Variants in INAFM2 observed in about 807,000 individuals in gnomAD.
INAFM2 encodes the protein putative transmembrane protein INAFM2.
A neutral mutation model predicts 5.6 loss-of-function variants in INAFM2; 3 were observed. The observed-to-expected ratio is 0.54, with a 90% CI of 0.24 to 1.39. INAFM2 has a LOEUF of 1.39. Among genes scored for constraint, INAFM2 ranks in the 40% most tolerant of loss-of-function variants. The pLI is 0.16. For synonymous variants in INAFM2, 113 were observed against 109.1 expected, an observed-to-expected ratio of 1.04 and a Z score of -0.22; for missense variants, 186 against 217.5, an observed-to-expected ratio of 0.86 and a Z score of 0.91.
chr15:40,324,311 T>A lies in INAFM2; in HGVS notation c.256T>A (p.Ser86Thr). The A allele has an allele frequency of 8.2e-7, 1 of 1,226,112 alleles. No homozygotes were observed. The highest frequency in any genetic ancestry group is 1.0e-6 in the Non-Finnish European group (1 of 985,084). 76.0% of individuals were successfully genotyped at this position (1,226,112 alleles called of 1,614,324 possible). ...CGGCGGCTCCAACGCCACTGGCCCG[T>A]CTGGGACTTCGGGGGCGGCGGCGGC... is the stretch of plus-strand genomic sequence containing the variant. ...PPGGSNATGP[S>T]GTSGAAAAGP... The change falls in exon 1 of 1, where the codon TCT becomes ACT. Residue 86 changes from serine to threonine, a missense_variant. Ser to Thr is a moderately conservative substitution (Grantham distance 58). Transcript: ENST00000638170.
At position 40,325,672 on chromosome 15, in the gene INAFM2, TCTACAGAATCAGAAAGG is replaced by T. The variant is rs1888779127; in HGVS notation, c.*1158_*1174del. The T allele has an allele frequency of 6.6e-6, 1 of 152,202 alleles. No homozygotes were observed. The highest frequency in any genetic ancestry group is 1.5e-5 in the Non-Finnish European group (1 of 68,024). The allele number at this position is 152,202 out of a possible 1,614,324, so 9.4% of individuals were successfully genotyped here. A position where few individuals can be genotyped will look rare whatever the true frequency, so the allele number is the denominator to read the frequency against. On this transcript the variant is annotated 3_prime_UTR_variant, in exon 1 of 1. Coordinates refer to ENST00000638170, the MANE Select transcript of INAFM2 (RefSeq NM_001301268.2). Reference sequence around the variant, plus strand: ...TACACATCCTCTGGTTTTGAGTTATTCTACAGAATCAGAAAGGCTGGAAGGTGGGCTTCACACTCAGG... The same window carrying T: ...TACACATCCTCTGGTTTTGAGTTATTCTGGAAGGTGGGCTTCACACTCAGG...
rs1354770779 is a variant in INAFM2, at chr15:40,324,551, C to T, written c.*34C>T. On this transcript the variant is annotated 3_prime_UTR_variant, in exon 1 of 1. Transcript: ENST00000638170. Reference sequence around the variant, plus strand: ...GCGCTGGGGGCCGCCGGGAACCATTCTCCCCAAGCCCAGAGGCAGGACTTC... The same window carrying T: ...GCGCTGGGGGCCGCCGGGAACCATTTTCCCCAAGCCCAGAGGCAGGACTTC... The T allele has an allele frequency of 1.7e-6, 2 of 1,211,506 alleles. No homozygotes were observed. The highest frequency in any genetic ancestry group is 1.0e-6 in the Non-Finnish European group (1 of 971,920). The allele number at this position is 1,211,506 out of a possible 1,614,324, so 75.0% of individuals were successfully genotyped here. A position where few individuals can be genotyped will look rare whatever the true frequency, so the allele number is the denominator to read the frequency against.
Position 40,324,414 on chromosome 15 carries a change from C to T in INAFM2, c.359C>T (p.Pro120Leu). ...VPPLQAARPAPPEPPADSPPA... is the reference protein window; with the variant it reads ...VPPLQAARPALPEPPADSPPA... ...CCACTGCAGGCGGCGCGACCGGCGC[C>T]TCCGGAGCCCCCTGCGGACAGCCCC... is the stretch of plus-strand genomic sequence containing the variant. Residue 120 changes from proline (P) to leucine (L), a missense_variant, in exon 1 of 1, where the codon CCT becomes CTT. Around this residue, in one of 2 missense-constraint regions of INAFM2, gnomAD observed 148 missense variants for 140.2 expected, o/e 1.06. Coordinates refer to ENST00000638170, the MANE Select transcript of INAFM2 (RefSeq NM_001301268.2). 2 of 1,224,002 alleles carry T rather than the reference C, an allele frequency of 1.6e-6. No individual in the cohort carries two copies. The highest frequency in any genetic ancestry group is 2.0e-6 in the Non-Finnish European group (2 of 982,918). The allele number at this position is 1,224,002 out of a possible 1,614,324, so 75.8% of individuals were successfully genotyped here.
Position 40,324,789 on chromosome 15 carries a change from G to C in INAFM2, c.*272G>C, listed in dbSNP as rs1402862298. 6.4e-6 allele frequency: 2 copies of C among 311,276 alleles called. No homozygotes were observed. Among genetic ancestry groups the C allele is most frequent in the East Asian group, 1.0e-4 (2 of 19,650 alleles). The allele number at this position is 311,276 out of a possible 1,614,324, so 19.3% of individuals were successfully genotyped here. ...GTAGGGGGATGGGGGGAGGGGTGGG[G>C]AGATCCCGGCACCAAACCCTTCTGC... On this transcript the variant is annotated 3_prime_UTR_variant, in exon 1 of 1. Transcript: ENST00000638170.
chr15:40,325,006 C>T lies in INAFM2; in HGVS notation c.*489C>T, dbSNP rs960926644. The T allele has an allele frequency of 6.5e-6, 1 of 152,706 alleles. No homozygotes were observed. The highest frequency in any genetic ancestry group is 2.1e-4 in the South Asian group (1 of 4,836). 9.5% of individuals were successfully genotyped at this position (152,706 alleles called of 1,614,324 possible). On this transcript the variant is annotated 3_prime_UTR_variant, in exon 1 of 1. Transcript: ENST00000638170. ...CCAGAGATGCATTAAATTTCTAGAT[C>T]CCTGTATATAGTTGTTGACATATGC...
rs1436765759 is a variant in INAFM2, at chr15:40,326,698, C to T, written c.*2181C>T. On this transcript the variant is annotated 3_prime_UTR_variant, in exon 1 of 1. Transcript: ENST00000638170. ...ATTTTTCAGGTGAACAAAAATACAT[C>T]CTAAGAACTCTGCCTAAGCCTGTGT... 6.6e-6 allele frequency: 1 copy of T among 152,194 alleles called. No individual in the cohort carries two copies. The highest frequency in any genetic ancestry group is 1.5e-5 in the Non-Finnish European group (1 of 68,036). The allele number at this position is 152,194 out of a possible 1,614,324, so 9.4% of individuals were successfully genotyped here.
At position 40,325,652 on chromosome 15, in the gene INAFM2, A is replaced by G. The variant is rs1888778881; in HGVS notation, c.*1135A>G. On this transcript the variant is annotated 3_prime_UTR_variant, in exon 1 of 1. Coordinates refer to ENST00000638170, the MANE Select transcript of INAFM2 (RefSeq NM_001301268.2). ...TGTAACACCAGAGCTTTGATTACAC[A>G]TCCTCTGGTTTTGAGTTATTCTACA... 6.6e-6 allele frequency: 1 copy of G among 152,178 alleles called. No individual in the cohort carries two copies. The highest frequency in any genetic ancestry group is 2.4e-5 in the African/African-American group (1 of 41,436). 9.4% of individuals were successfully genotyped at this position (152,178 alleles called of 1,614,324 possible).
At position 40,323,990 on chromosome 15, in the gene INAFM2, T is replaced by A; in HGVS notation, c.-66T>A. 9.7e-7 allele frequency: 1 copy of A among 1,035,024 alleles called. No individual in the cohort carries two copies. The highest frequency in any genetic ancestry group is 1.2e-6 in the Non-Finnish European group (1 of 814,244). The allele number at this position is 1,035,024 out of a possible 1,614,324, so 64.1% of individuals were successfully genotyped here. On this transcript the variant is annotated 5_prime_UTR_variant, in exon 1 of 1. In the 5' UTR this introduces an upstream ATG that the reference lacks. Transcript: ENST00000638170. The surrounding 1 kb of genome is among the most constrained non-coding windows in gnomAD (Gnocchi z 5.6). ...CGCCGGGCCGCCCCCTGCCCAGTCCTTGCAGGCCGCCAGGCCCCCTCCAGC... is the reference window on the plus strand; with the variant it reads ...CGCCGGGCCGCCCCCTGCCCAGTCCATGCAGGCCGCCAGGCCCCCTCCAGC...
rs901642209 is a variant in INAFM2 at position 40,326,369 on chromosome 15, T to A, written c.*1852T>A. The A allele has an allele frequency of 3.9e-5, 6 of 152,282 alleles. No homozygotes were observed. Among genetic ancestry groups the A allele is most frequent in the African/African-American group, 1.4e-4 (6 of 41,474 alleles). The allele number at this position is 152,282 out of a possible 1,614,324, so 9.4% of individuals were successfully genotyped here. ...AATTTTTAGTCCTATATTTTAATAATTTGTAAATTGATCTCTTATTCCAAG... is the reference window on the plus strand; with the variant it reads ...AATTTTTAGTCCTATATTTTAATAAATTGTAAATTGATCTCTTATTCCAAG... On this transcript the variant is annotated 3_prime_UTR_variant, in exon 1 of 1. Coordinates refer to ENST00000638170, the MANE Select transcript of INAFM2 (RefSeq NM_001301268.2).
Position 40,324,006 on chromosome 15 carries a change from C to T in INAFM2, c.-50C>T, listed in dbSNP as rs1015702907. 6.0e-5 allele frequency: 69 copies of T among 1,145,798 alleles called. No homozygotes were observed. The highest frequency in any genetic ancestry group is 8.0e-5 in the African/African-American group (5 of 62,218). The allele number at this position is 1,145,798 out of a possible 1,614,324, so 71.0% of individuals were successfully genotyped here. ...GCCCAGTCCTTGCAGGCCGCCAGGC[C>T]CCCTCCAGCCGGGGCCGTGGAGCAC... On this transcript the variant is annotated 5_prime_UTR_variant, in exon 1 of 1. Transcript: ENST00000638170.
In INAFM2 at chr15:40,325,605, G is replaced by C. The variant is rs187221575; in HGVS notation, c.*1088G>C. On this transcript the variant is annotated 3_prime_UTR_variant, in exon 1 of 1. Transcript: ENST00000638170. ...TCCTGAGCCTGTAGTGACAAAGCCC[G>C]GCGATTTGGGATGAAATCTGTTGTA... The C allele has an allele frequency of 1.3e-5, 2 of 152,140 alleles. No homozygotes were observed. The highest frequency in any genetic ancestry group is 4.8e-5 in the African/African-American group (2 of 41,484). 9.4% of individuals were successfully genotyped at this position (152,140 alleles called of 1,614,324 possible).
In INAFM2 at chr15:40,326,009, G is replaced by A. The variant is rs1395223173; in HGVS notation, c.*1492G>A. The stretch of plus-strand genomic sequence containing the variant: ...TGAGGCACTATTTTTTTTTTTAAAA[G>A]ACAACTTACCCACCTGAGTCCTGAA... On this transcript the variant is annotated 3_prime_UTR_variant, in exon 1 of 1. Transcript: ENST00000638170. 6.6e-6 allele frequency: 1 copy of A among 151,686 alleles called. No individual in the cohort carries two copies. The highest frequency in any genetic ancestry group is 1.5e-5 in the Non-Finnish European group (1 of 67,942). 9.4% of individuals were successfully genotyped at this position (151,686 alleles called of 1,614,324 possible). A position where few individuals can be genotyped will look rare whatever the true frequency, so the allele number is the denominator to read the frequency against.
At position 40,324,026 on chromosome 15, in the gene INAFM2, G is replaced by A; in HGVS notation, c.-30G>A. 1 of 1,213,952 alleles carries A rather than the reference G, an allele frequency of 8.2e-7. No homozygotes were observed. Among genetic ancestry groups the A allele is most frequent in the Non-Finnish European group, 1.0e-6 (1 of 973,496 alleles). The allele number at this position is 1,213,952 out of a possible 1,614,324, so 75.2% of individuals were successfully genotyped here. On this transcript the variant is annotated 5_prime_UTR_variant, in exon 1 of 1. Coordinates refer to ENST00000638170, the MANE Select transcript of INAFM2 (RefSeq NM_001301268.2). The stretch of plus-strand genomic sequence containing the variant: ...CAGGCCCCCTCCAGCCGGGGCCGTG[G>A]AGCACCGGGGCAAAGGCCGGGGCCC...
Position 40,323,888 on chromosome 15 carries a change from G to T in INAFM2, c.-168G>T. The T allele has an allele frequency of 5.4e-6, 1 of 184,148 alleles. No homozygotes were observed. The highest frequency in any genetic ancestry group is 1.1e-5 in the Non-Finnish European group (1 of 94,842). 11.4% of individuals were successfully genotyped at this position (184,148 alleles called of 1,614,324 possible). A position where few individuals can be genotyped will look rare whatever the true frequency, so the allele number is the denominator to read the frequency against. ...ACTGGTCCAGGCCCCGGCGGCGGCT[G>T]CAGCAACGCGGTGGCGGGCTGCGGG... On this transcript the variant is annotated 5_prime_UTR_variant, in exon 1 of 1. Transcript: ENST00000638170. This position sits in a 1 kb window ranked among gnomAD's most constrained non-coding sequence, Gnocchi z 5.6.
Position 40,323,733 on chromosome 15 carries a change from AGCGCGCGGCGGCGTG to A in INAFM2, c.-319_-305del, listed in dbSNP as rs1436665992. On this transcript the variant is annotated 5_prime_UTR_variant, in exon 1 of 1. Coordinates refer to ENST00000638170, the MANE Select transcript of INAFM2 (RefSeq NM_001301268.2). The surrounding 1 kb of genome is among the most constrained non-coding windows in gnomAD (Gnocchi z 5.6). ...CCGGCGGCCGGGCAGGCGGCGGCGGAGCGCGCGGCGGCGTGGCGGCGGATGGGGACGCGGAGCCGG... is the reference window on the plus strand; with the variant it reads ...CCGGCGGCCGGGCAGGCGGCGGCGGAGCGGCGGATGGGGACGCGGAGCCGG... 3.1e-3 allele frequency: 450 copies of A among 147,082 alleles called. 1 individual carries two copies. Among genetic ancestry groups the A allele is most frequent in the Non-Finnish European group, 5.0e-3 (328 of 65,976 alleles). The allele number at this position is 147,082 out of a possible 1,614,324, so 9.1% of individuals were successfully genotyped here.
chr15:40,324,757 C>G lies in INAFM2; in HGVS notation c.*240C>G. On this transcript the variant is annotated 3_prime_UTR_variant, in exon 1 of 1. Coordinates refer to ENST00000638170, the MANE Select transcript of INAFM2 (RefSeq NM_001301268.2). ...CCCAGGACCGTGCTGCACCAGGGCCCTGAGCCGTAGGGGGATGGGGGGAGG... is the reference window on the plus strand; with the variant it reads ...CCCAGGACCGTGCTGCACCAGGGCCGTGAGCCGTAGGGGGATGGGGGGAGG... 2 of 330,712 alleles carry G rather than the reference C, an allele frequency of 6.0e-6. No homozygotes were observed. The highest frequency in any genetic ancestry group is 1.1e-5 in the Non-Finnish European group (2 of 183,618). The allele number at this position is 330,712 out of a possible 1,614,324, so 20.5% of individuals were successfully genotyped here. A position where few individuals can be genotyped will look rare whatever the true frequency, so the allele number is the denominator to read the frequency against.
Position 40,323,749 on chromosome 15 carries a change from G to GCGGCGGATGGGGACGCGGAGCC in INAFM2, c.-306_-285dup, listed in dbSNP as rs1888733902. On this transcript the variant is annotated 5_prime_UTR_variant, in exon 1 of 1. In the 5' UTR this introduces an upstream ATG that the reference lacks. Transcript: ENST00000638170. This position sits in a 1 kb window ranked among gnomAD's most constrained non-coding sequence, Gnocchi z 5.6. ...CGGCGGCGGAGCGCGCGGCGGCGTG[G>GCGGCGGATGGGGACGCGGAGCC]CGGCGGATGGGGACGCGGAGCCGGG... is the stretch of plus-strand genomic sequence containing the variant. 6.8e-6 allele frequency: 1 copy of GCGGCGGATGGGGACGCGGAGCC among 146,728 alleles called. No homozygotes were observed. Among genetic ancestry groups the GCGGCGGATGGGGACGCGGAGCC allele is most frequent in the Non-Finnish European group, 1.5e-5 (1 of 65,468 alleles). The allele number at this position is 146,728 out of a possible 1,614,324, so 9.1% of individuals were successfully genotyped here. A position where few individuals can be genotyped will look rare whatever the true frequency, so the allele number is the denominator to read the frequency against.
rs1888754423 is a variant in INAFM2 at position 40,324,530 on chromosome 15, T to G, written c.*13T>G. The G allele has an allele frequency of 3.3e-6, 4 of 1,200,222 alleles. No homozygotes were observed. The highest frequency in any genetic ancestry group is 4.1e-6 in the Non-Finnish European group (4 of 967,022). 74.3% of individuals were successfully genotyped at this position (1,200,222 alleles called of 1,614,324 possible). Reference sequence around the variant, plus strand: ...CGGGAGTCGTTGAAGCCCTCCGCGCTGGGGGCCGCCGGGAACCATTCTCCC... The same window carrying G: ...CGGGAGTCGTTGAAGCCCTCCGCGCGGGGGGCCGCCGGGAACCATTCTCCC... On this transcript the variant is annotated 3_prime_UTR_variant, in exon 1 of 1. Coordinates refer to ENST00000638170, the MANE Select transcript of INAFM2 (RefSeq NM_001301268.2).
chr15:40,324,014 G>C lies in INAFM2; in HGVS notation c.-42G>C, dbSNP rs1430250981. 8.4e-7 allele frequency: 1 copy of C among 1,188,760 alleles called. No individual in the cohort carries two copies. Among genetic ancestry groups the C allele is most frequent in the Non-Finnish European group, 1.1e-6 (1 of 951,210 alleles). The allele number at this position is 1,188,760 out of a possible 1,614,324, so 73.6% of individuals were successfully genotyped here. Reference sequence around the variant, plus strand: ...CTTGCAGGCCGCCAGGCCCCCTCCAGCCGGGGCCGTGGAGCACCGGGGCAA... The same window carrying C: ...CTTGCAGGCCGCCAGGCCCCCTCCACCCGGGGCCGTGGAGCACCGGGGCAA... On this transcript the variant is annotated 5_prime_UTR_variant, in exon 1 of 1. Coordinates refer to ENST00000638170, the MANE Select transcript of INAFM2 (RefSeq NM_001301268.2).
Sources: gnomAD v4.1 joint callset for allele counts on GRCh38, gnomAD v4.1.1 for gene constraint, gnomAD v4.1.1 regional missense constraint, Gnocchi (gnomAD v3.1) non-coding constraint, MANE v1.5 for transcripts, NCBI Gene and HGNC (gene_info 2026-07-23, HGNC 2026-07-21) for gene names.